The following KIF26B variants were observed in gnomAD, a reference collection of about 807,000 sequenced individuals.
KIF26B encodes kinesin family member 26B.
In KIF26B, 63 loss-of-function variants were observed where a neutral mutation model predicts 151.2. That is an observed-to-expected ratio of 0.42 (90% confidence interval 0.34 to 0.51). The LOEUF (loss-of-function observed/expected upper bound fraction) is 0.51, where lower values mean the gene tolerates loss of function less well. Ranked by LOEUF, KIF26B falls within the 20% of genes least tolerant of loss-of-function variation. KIF26B has a pLI of 0.07. For missense variants in KIF26B, 2,813 were observed against 2,913.6 expected, an observed-to-expected ratio of 0.97 and a Z score of 0.79; for synonymous variants, 1,357 against 1,262.1, an observed-to-expected ratio of 1.08 and a Z score of -1.59.
intron 12 of KIF26B, among the ~76,000 whole-genome samples, chr1:245,691,898 G>A (rs981546684): frequency 6.6e-6 from 1 of 152,082 alleles, no homozygotes; most frequent in African/African-American, 2.4e-5. Flanking sequence ...TTGTTCCACC[G>A]GCCATAGCAG....
At chr1:245,444,299 C>T (rs1186588554) in intron 4 of KIF26B, among the ~76,000 whole-genome samples, 1 of 152,230 alleles carries the variant, frequency 6.6e-6, no homozygotes, top group African/African-American at 2.4e-5. Flanking sequence ...CCCTCCAGGC[C>T]TGCAGGTTCA....
chr1:245,161,070 CAT>C (rs1448299812), intron 2 of KIF26B, among the ~76,000 whole-genome samples: 2 of 152,312 alleles, frequency 1.3e-5, no homozygotes, highest in East Asian at 1.9e-4. Flanking sequence ...CTTCTAAGAA[CAT>C]GTGGCTATTT....
chr1:245,156,530 G>C lies in KIF26B; in HGVS notation c.312G>C (p.Pro104=), dbSNP rs759209166. 2 of 1,535,384 alleles carry C rather than the reference G, an allele frequency of 1.3e-6. No individual in the cohort carries two copies. The highest frequency in any genetic ancestry group is 1.2e-5 in the South Asian group (1 of 84,188). Residue 104 remains proline (P), a synonymous_variant, in exon 2 of 15, where the codon CCG becomes CCC. Transcript: ENST00000407071. ...CGCCGGGCTCCTTGGGCGGCTCTCC[G>C]GGCTTCGGCACAGGCTCCCCGGGCT... The part of the protein sequence containing the change: ...TSSPGSLGGS[P]GFGTGSPGSG...
intron 5 of KIF26B, among the ~76,000 whole-genome samples, chr1:245,590,034 A>G (rs957478094): frequency 7.2e-5 from 11 of 151,776 alleles, no homozygotes. Context: ...ACTGTTTGCT[A>G]TTTAACGACA....
intron 2 of KIF26B, among the ~76,000 whole-genome samples, chr1:245,196,674 CT>C (rs1669201544): frequency 6.6e-6 from 1 of 152,124 alleles, no homozygotes; most frequent in Non-Finnish European, 1.5e-5. Flanking sequence ...AGAATTCTCC[CT>C]TGGATATTTT....
At chr1:245,394,688 C>CTT (rs900497785) in intron 3 of KIF26B, among the ~76,000 whole-genome samples, 40 of 123,166 alleles carry the variant, frequency 3.2e-4, no homozygotes, top group South Asian at 5.0e-4. Flanking sequence ...TTTTTTCTTT[C>CTT]TTTTTTTTTT....
At chr1:245,217,143 A>C (rs1490519836) in intron 2 of KIF26B, among the ~76,000 whole-genome samples, 1 of 152,162 alleles carries the variant, frequency 6.6e-6, no homozygotes, top group East Asian at 1.9e-4. Flanking sequence ...TTGAGGTCTC[A>C]TTTGCCCTAA....
chr1:245,337,273 G>A (rs1387035122), intron 2 of KIF26B, among the ~76,000 whole-genome samples: 1 of 151,716 alleles, frequency 6.6e-6, no homozygotes, highest in Admixed American at 6.6e-5. Context: ...CTGGGTTCAA[G>A]TGATCCTCCT....
chr1:245,556,469 C>T (rs918439595), intron 5 of KIF26B, among the ~76,000 whole-genome samples: 1 of 152,074 alleles, frequency 6.6e-6, no homozygotes, highest in Non-Finnish European at 1.5e-5. Context: ...TGAACGAACA[C>T]AGCTCACTGC....
chr1:245,227,007 AAGAC>A lies in KIF26B; in HGVS notation c.465+70327_465+70330del, dbSNP rs1447696947. Among the ~76,000 whole-genome samples, 1 of 152,126 alleles carries A rather than the reference AAGAC, an allele frequency of 6.6e-6. No individual in the cohort carries two copies. The highest frequency in any genetic ancestry group is 2.4e-5 in the African/African-American group (1 of 41,422). ...CAGGCAGCATCTTTCAGATTCTTGA[AAGAC>A]AGGCAGCTTGTTTCGAATGACCCAC... is the stretch of plus-strand genomic sequence containing the variant. On this transcript the variant is annotated intron_variant, in intron 2 of 14. Coordinates refer to ENST00000407071, the MANE Select transcript of KIF26B (RefSeq NM_018012.4). This position sits in a 1 kb window ranked among gnomAD's most constrained non-coding sequence, Gnocchi z 4.1.
intron 5 of KIF26B, among the ~76,000 whole-genome samples, chr1:245,543,136 G>A (rs918439670): frequency 6.6e-6 from 1 of 152,070 alleles, no homozygotes; most frequent in Non-Finnish European, 1.5e-5. Flanking sequence ...AGGTGGCTCC[G>A]ACCTCTCCCC....
rs573214343 is a variant in KIF26B at position 245,482,961 on chromosome 1, A to T, written c.1167-57806A>T. 1.8e-4 allele frequency among the ~76,000 whole-genome samples: 27 copies of T among 151,854 alleles called. 1 individual carries two copies. The highest frequency in any genetic ancestry group is 5.9e-4 in the Admixed American group (9 of 15,252). On this transcript the variant is annotated intron_variant, in intron 4 of 14. Transcript: ENST00000407071. ...CCACATTTCATCAATTCCGTGTTAG[A>T]ACATTGAGTCCAAGCTGTTGGAAAA...
chr1:245,680,704 G>T (rs1400375681), intron 10 of KIF26B, among the ~76,000 whole-genome samples: 5 of 152,180 alleles, frequency 3.3e-5, no homozygotes, highest in African/African-American at 9.7e-5. Flanking sequence ...TGCAGATTCT[G>T]TATTTGCACA....
At chr1:245,619,099 G>A (rs1457695682) in intron 9 of KIF26B, among the ~76,000 whole-genome samples, 4 of 140,552 alleles carry the variant, frequency 2.8e-5, no homozygotes, top group African/African-American at 1.1e-4. Context: ...GAGACAGAGT[G>A]CCACAGTGCT....
intron 3 of KIF26B, among the ~76,000 whole-genome samples, chr1:245,369,190 A>G (rs954930092): frequency 2.0e-5 from 3 of 146,378 alleles, no homozygotes; most frequent in Non-Finnish European, 4.4e-5. Context: ...AGAGAGAGAG[A>G]GAGAGAGACA....
chr1:245,165,681 G>A (rs1558330673), intron 2 of KIF26B, among the ~76,000 whole-genome samples: 1 of 152,210 alleles, frequency 6.6e-6, no homozygotes, highest in Admixed American at 6.5e-5. Flanking sequence ...AGACCAAGAA[G>A]GAGGGACCAG....
intron 8 of KIF26B, among the ~76,000 whole-genome samples, chr1:245,610,158 G>T (rs2043503618): frequency 6.6e-6 from 1 of 152,160 alleles, no homozygotes; most frequent in African/African-American, 2.4e-5. Flanking sequence ...CTAACAGTAG[G>T]CTTTATTTTC....
intron 2 of KIF26B, among the ~76,000 whole-genome samples, chr1:245,174,616 C>T (rs1231277433): frequency 6.6e-6 from 1 of 152,212 alleles, no homozygotes; most frequent in African/African-American, 2.4e-5. Context: ...AAACGATCCT[C>T]TCGCCACAGC....
chr1:245,292,926 C>T (rs1022741018), intron 2 of KIF26B, among the ~76,000 whole-genome samples: 12 of 152,178 alleles, frequency 7.9e-5, no homozygotes, highest in Non-Finnish European at 1.3e-4. Flanking sequence ...CGGTGCCGTC[C>T]CTGCTCCTGA....
Sources: allele counts gnomAD v4.1 joint callset (sites outside exome capture counted in the v4.1 genomes callset), GRCh38; gene constraint gnomAD v4.1.1; non-coding constraint Gnocchi (gnomAD v3.1); transcripts MANE v1.5; gene names NCBI Gene and HGNC (gene_info 2026-07-23, HGNC 2026-07-21).